The following ZNF438 variants were observed in gnomAD, a reference collection of about 807,000 sequenced individuals.
The protein encoded by ZNF438 is zinc finger protein 438.
In ZNF438, 25 loss-of-function variants were observed where a neutral mutation model predicts 38.0. The observed-to-expected ratio is 0.66, with a 90% confidence interval of 0.48 to 0.92. The LOEUF is 0.92. ZNF438 is among the 40% of genes least tolerant of loss of function. The pLI is 0.00. For missense variants in ZNF438, 1,007 were observed against 999.6 expected, an observed-to-expected ratio of 1.01 and a Z score of -0.10; for synonymous variants, 372 against 364.1, an observed-to-expected ratio of 1.02 and a Z score of -0.25.
chr10:30,906,450 T>C (rs1208373382), intron 3 of ZNF438, among the ~76,000 whole-genome samples: 1 of 152,206 alleles, frequency 6.6e-6, no homozygotes, highest in African/African-American at 2.4e-5. Flanking sequence ...CTGAATTCAT[T>C]AATTAGTTCT....
chr10:31,019,611 A>C (rs547154497), intron 1 of ZNF438, among the ~76,000 whole-genome samples: 1 of 152,374 alleles, frequency 6.6e-6, no homozygotes, highest in African/African-American at 2.4e-5. Context: ...ACCAAAAGAT[A>C]GAAAGTGCAA....
chr10:30,934,566 T>C (rs575547966), intron 2 of ZNF438, among the ~76,000 whole-genome samples: 7 of 152,182 alleles, frequency 4.6e-5, no homozygotes, highest in Admixed American at 3.9e-4. Context: ...TTGTAACCTA[T>C]AAAACTTGTT....
chr10:30,929,660 C>T (rs2045399071), intron 2 of ZNF438, among the ~76,000 whole-genome samples: 1 of 152,224 alleles, frequency 6.6e-6, no homozygotes, highest in African/African-American at 2.4e-5. Context: ...TGGCCTCACC[C>T]ACATCCTGAT....
chr10:30,965,526 G>A (rs2994637), intron 1 of ZNF438, among the ~76,000 whole-genome samples: 112,912 of 152,092 alleles, frequency 0.74, 42,719 homozygotes, highest in African/African-American at 0.87. Flanking sequence ...ATCAACCAAG[G>A]TGTCCATCAA....
At chr10:30,848,066 G>A (rs2032685042) in intron 5 of ZNF438, among the ~76,000 whole-genome samples, 1 of 152,206 alleles carries the variant, frequency 6.6e-6, no homozygotes, top group Non-Finnish European at 1.5e-5. Flanking sequence ...CCAGGAAGCA[G>A]TGCTTGCAAA....
At chr10:30,995,674 T>C (rs905266223) in intron 1 of ZNF438, among the ~76,000 whole-genome samples, 1 of 152,216 alleles carries the variant, frequency 6.6e-6, no homozygotes, top group Non-Finnish European at 1.5e-5. Context: ...AATAAAACAC[T>C]GTAGCTATAA....
rs560624947 is a variant in ZNF438 at position 31,015,142 on chromosome 10, A to G, written c.-192+16691T>C. Among the ~76,000 whole-genome samples, 4 of 152,310 alleles carry G rather than the reference A, an allele frequency of 2.6e-5. No homozygotes were observed. The South Asian group carries it at 6.2e-4, about 24-fold the overall frequency. On this transcript the variant is annotated intron_variant, in intron 1 of 5. Transcript: ENST00000413025. ...GTCGGCTTCCGAAAGTGCTGAGATT[A>G]CAGGCGTGAGCTACCATACCCAGTC... is the stretch of plus-strand genomic sequence containing the variant.
At chr10:30,994,965 G>A (rs1205984737) in intron 1 of ZNF438, among the ~76,000 whole-genome samples, 2 of 151,768 alleles carry the variant, frequency 1.3e-5, no homozygotes, top group African/African-American at 4.8e-5. Flanking sequence ...CTGCAGTGAG[G>A]TAGAGCCTGC....
At chr10:30,938,852 T>A (rs2046528532) in intron 2 of ZNF438, among the ~76,000 whole-genome samples, 1 of 152,128 alleles carries the variant, frequency 6.6e-6, no homozygotes. Flanking sequence ...TGGAGTGCAG[T>A]GGCACGATCT....
At chr10:31,010,977 A>T (rs1476154311) in intron 1 of ZNF438, among the ~76,000 whole-genome samples, 1 of 151,684 alleles carries the variant, frequency 6.6e-6, no homozygotes. Context: ...AACTATGTTA[A>T]CTTTTACTAT....
intron 1 of ZNF438, among the ~76,000 whole-genome samples, chr10:31,016,764 T>C (rs920160799): frequency 3.6e-4 from 55 of 152,240 alleles, no homozygotes; most frequent in African/African-American, 1.3e-3. Context: ...TGGCCAGAAC[T>C]TAGAAATCTG....
intron 1 of ZNF438, among the ~76,000 whole-genome samples, chr10:30,988,241 C>T (rs543006470): frequency 1.2e-4 from 18 of 151,062 alleles, no homozygotes; most frequent in Admixed American, 4.0e-4. Flanking sequence ...ACCTCATTAT[C>T]GACATAGAGA....
intron 1 of ZNF438, among the ~76,000 whole-genome samples, chr10:30,942,211 A>T (rs2135527917): frequency 6.6e-6 from 1 of 152,272 alleles, no homozygotes; most frequent in Middle Eastern, 3.4e-3. Flanking sequence ...GGGGAGGGAG[A>T]TCGATAAGGA....
At chr10:30,880,089 A>G (rs1393564949) in intron 3 of ZNF438, among the ~76,000 whole-genome samples, 1 of 152,208 alleles carries the variant, frequency 6.6e-6, no homozygotes, top group Non-Finnish European at 1.5e-5. Context: ...CATTGCATAT[A>G]AAGGAACAAT....
rs189039024 is a variant in ZNF438, at chr10:31,026,055, G to A, written c.-192+5778C>T. 1.6e-3 allele frequency among the ~76,000 whole-genome samples: 238 copies of A among 152,226 alleles called. 3 individuals carry two copies. The highest frequency in any genetic ancestry group is 5.6e-3 in the African/African-American group (231 of 41,530). The stretch of plus-strand genomic sequence containing the variant: ...AGCCATATTGAGAAAGCTGAAACTG[G>A]ATTCCTTCCTTACACTTTATACCAA... On this transcript the variant is annotated intron_variant, in intron 1 of 5. Transcript: ENST00000413025.
intron 5 of ZNF438, among the ~76,000 whole-genome samples, chr10:30,848,072 G>A (rs1304859658): frequency 6.6e-6 from 1 of 152,192 alleles, no homozygotes; most frequent in Non-Finnish European, 1.5e-5. Context: ...AGCAGTGCTT[G>A]CAAAAAGGAA....
chr10:30,852,876 T>C (rs2033924649), intron 4 of ZNF438, among the ~76,000 whole-genome samples: 1 of 152,260 alleles, frequency 6.6e-6, no homozygotes, highest in African/African-American at 2.4e-5. Flanking sequence ...CTGTATGGAT[T>C]GCTACTTCTT....
intron 5 of ZNF438, 148 bp downstream of exon 6, chr10:30,848,383 C>T: frequency 1.1e-6 from 1 of 921,156 alleles, no homozygotes; most frequent in Non-Finnish European, 1.6e-6. Flanking sequence ...GATCATTCTT[C>T]ACAGATCTAG....
At chr10:30,921,695 T>C (rs988476816) in intron 2 of ZNF438, among the ~76,000 whole-genome samples, 6 of 152,066 alleles carry the variant, frequency 3.9e-5, no homozygotes, top group African/African-American at 1.4e-4. Flanking sequence ...ATGCGTATGA[T>C]GGATCTACTT....
Sources: gnomAD v4.1 joint callset for allele counts (sites outside exome capture counted in the v4.1 genomes callset) on GRCh38, gnomAD v4.1.1 for gene constraint, MANE v1.5 for transcripts, NCBI Gene and HGNC (gene_info 2026-07-23, HGNC 2026-07-21) for gene names.